MSH4: variants seen among roughly 807,000 people sequenced by gnomAD.
MSH4 encodes the protein mutS protein homolog 4.
A neutral mutation model predicts 113.7 loss-of-function variants in MSH4; 106 were observed. That is an observed-to-expected ratio of 0.93 (90% CI 0.80 to 1.10). The LOEUF (loss-of-function observed/expected upper bound fraction) is 1.10. MSH4 is among the 50% of genes least tolerant of loss of function. The pLI, the probability that MSH4 is intolerant of heterozygous loss-of-function variation, is 0.00. For missense variants in MSH4, 1,061 were observed against 1,093.7 expected, an observed-to-expected ratio of 0.97 and a Z score of 0.42; for synonymous variants, 368 against 380.2, an observed-to-expected ratio of 0.97 and a Z score of 0.37.
chr1:75,806,348 C>T (rs1423838858), intron 2 of MSH4, among the ~76,000 whole-genome samples: 3 of 141,240 alleles, frequency 2.1e-5, no homozygotes, highest in East Asian at 2.2e-4. Context: ...CCCGGGTTCA[C>T]GCCATTCTCC....
intron 9 of MSH4, among the ~76,000 whole-genome samples, chr1:75,874,977 T>C (rs1651785386): frequency 6.6e-6 from 1 of 152,094 alleles, no homozygotes; most frequent in South Asian, 2.1e-4. Context: ...ACTGCAACGT[T>C]TGCCTCCCAG....
chr1:75,876,118 C>A (rs1651812086), intron 9 of MSH4, among the ~76,000 whole-genome samples: 1 of 151,780 alleles, frequency 6.6e-6, no homozygotes, highest in African/African-American at 2.4e-5. Flanking sequence ...GCAAATATTC[C>A]AAAATCTGAA....
chr1:75,906,105 C>T (rs1652622151), intron 19 of MSH4, among the ~76,000 whole-genome samples: 1 of 151,864 alleles, frequency 6.6e-6, no homozygotes, highest in South Asian at 2.1e-4. Flanking sequence ...ATTCTTCTGC[C>T]TCAGCCTCCC....
At chr1:75,892,732 A>G (rs5745516) in intron 17 of MSH4, among the ~76,000 whole-genome samples, 8,175 of 152,050 alleles carry the variant, frequency 0.054, 376 homozygotes, top group African/African-American at 0.12. Context: ...ACTGCCCATC[A>G]CATACTTGGT....
At chr1:75,846,781 C>A (rs1651086052) in intron 7 of MSH4, among the ~76,000 whole-genome samples, 1 of 152,156 alleles carries the variant, frequency 6.6e-6, no homozygotes, top group Non-Finnish European at 1.5e-5. Context: ...TGGGCTTTTT[C>A]TAACCTGCTC....
intron 19 of MSH4, among the ~76,000 whole-genome samples, chr1:75,907,684 C>CTCTCTCTCTACATATATATATA (rs1307238647): frequency 3.2e-4 from 15 of 46,572 alleles, no homozygotes; most frequent in Admixed American, 6.7e-4. Context: ...CTCTCTCTCT[C>CTCTCTCTCTACATATATATATA]TATACATATA....
chr1:75,891,059 TAGTC>T (rs1652240295), intron 17 of MSH4, among the ~76,000 whole-genome samples: 1 of 152,052 alleles, frequency 6.6e-6, no homozygotes, highest in African/African-American at 2.4e-5. Context: ...AATGCAAAAT[TAGTC>T]AGTTGGCTTT....
chr1:75,802,532 A>G (rs1404419401), intron 1 of MSH4, among the ~76,000 whole-genome samples: 1 of 152,188 alleles, frequency 6.6e-6, no homozygotes, highest in African/African-American at 2.4e-5. Flanking sequence ...TAGGTTGTTT[A>G]TGTACATTAT....
chr1:75,822,316 C>G, intron 6 of MSH4, 93 bp from the exon 7 acceptor site: 36 of 646,044 alleles, frequency 5.6e-5, no homozygotes, highest in Non-Finnish European at 8.4e-5. Context: ...AGAATCATTG[C>G]TGTAGATTAT....
At chr1:75,840,861 G>T (rs1650944734) in intron 7 of MSH4, among the ~76,000 whole-genome samples, 1 of 152,068 alleles carries the variant, frequency 6.6e-6, no homozygotes, top group Non-Finnish European at 1.5e-5. Context: ...TAATTTTGAT[G>T]CAATGTGATA....
chr1:75,812,857 T>G (rs1419147715), intron 4 of MSH4, among the ~76,000 whole-genome samples: 1 of 152,166 alleles, frequency 6.6e-6, no homozygotes, highest in Admixed American at 6.5e-5. Flanking sequence ...GCTGGCACTT[T>G]ATGAGAGGCT....
intron 8 of MSH4, among the ~76,000 whole-genome samples, chr1:75,856,273 C>T (rs1041059877): frequency 2.6e-5 from 4 of 151,984 alleles, no homozygotes; most frequent in Admixed American, 6.6e-5. Flanking sequence ...TACTTCCCAT[C>T]CTTTTTTCTT....
At chr1:75,870,767 C>A (rs888853567) in intron 9 of MSH4, among the ~76,000 whole-genome samples, 4 of 152,070 alleles carry the variant, frequency 2.6e-5, no homozygotes, top group Admixed American at 6.6e-5. Flanking sequence ...GTATGTCTTT[C>A]TTAGCAGCAT....
intron 7 of MSH4, among the ~76,000 whole-genome samples, chr1:75,829,085 C>G (rs1650623079): frequency 6.6e-6 from 1 of 152,194 alleles, no homozygotes; most frequent in Non-Finnish European, 1.5e-5. Flanking sequence ...CACTCCCACC[C>G]TAATACTGCG....
chr1:75,824,423 G>C (rs1445911007), intron 7 of MSH4, among the ~76,000 whole-genome samples: 35 of 152,088 alleles, frequency 2.3e-4, no homozygotes. Flanking sequence ...TCTGTAGGTT[G>C]CCTTTTCACT....
intron 15 of MSH4, among the ~76,000 whole-genome samples, chr1:75,888,149 A>G (rs1425637817): frequency 6.7e-6 from 1 of 150,164 alleles, no homozygotes; most frequent in Non-Finnish European, 1.5e-5. Flanking sequence ...TTTTCTTGCT[A>G]CTCCTTATTC....
At chr1:75,854,012 T>TATATATATA (rs1651255065) in intron 8 of MSH4, among the ~76,000 whole-genome samples, 1 of 48,266 alleles carries the variant, frequency 2.1e-5, no homozygotes, top group Non-Finnish European at 4.5e-5. Context: ...AGTGTGTGTG[T>TATATATATA]GTATATATAT....
chr1:75,906,630 T>C (rs1652662775), intron 19 of MSH4, among the ~76,000 whole-genome samples: 1 of 128,050 alleles, frequency 7.8e-6, no homozygotes, highest in Admixed American at 1.0e-4. Context: ...ATTTTATAGC[T>C]ATAACACTTT....
intron 18 of MSH4, 123 bp downstream of exon 18, chr1:75,898,204 T>A (rs541638195): frequency 3.7e-6 from 2 of 546,594 alleles, no homozygotes; most frequent in Non-Finnish European, 6.2e-6. Flanking sequence ...TGAGTGCTTA[T>A]ATTCTCTTAG....
Sources: gnomAD v4.1 joint callset for allele counts (sites outside exome capture counted in the v4.1 genomes callset) on GRCh38, gnomAD v4.1.1 for gene constraint, MANE v1.5 for transcripts, NCBI Gene and HGNC (gene_info 2026-07-23, HGNC 2026-07-21) for gene names.